Variants in UNC5D observed in about 807,000 individuals in gnomAD.
UNC5D encodes the protein netrin receptor UNC5D.
Under a neutral mutation model 105.4 loss-of-function variants are expected in UNC5D, and 39 were observed. That is an observed-to-expected ratio of 0.37 (90% CI 0.29 to 0.48). UNC5D has a LOEUF of 0.48. Among genes scored for constraint, UNC5D ranks in the 20% least tolerant of loss-of-function variants. UNC5D has a pLI of 0.98. For missense variants in UNC5D, 991 were observed against 1,202.4 expected (o/e 0.82, Z 2.60); for synonymous variants, 452 against 450.4 (o/e 1.00, Z -0.04).
At chr8:35,673,130 T>G (rs1294979691) in intron 4 of UNC5D, among the ~76,000 whole-genome samples, 1 of 152,208 alleles carries the variant, frequency 6.6e-6, no homozygotes, top group Non-Finnish European at 1.5e-5. Flanking sequence ...TAGAGCTAAA[T>G]TGAAGAAACT....
chr8:35,746,317 T>C (rs1381831441), intron 11 of UNC5D, among the ~76,000 whole-genome samples: 2 of 152,090 alleles, frequency 1.3e-5, no homozygotes, highest in Non-Finnish European at 2.9e-5. Context: ...ATCTCCCTGA[T>C]TGTTACAGGT....
At chr8:35,662,267 C>T (rs1364716833) in intron 4 of UNC5D, among the ~76,000 whole-genome samples, 2 of 151,562 alleles carry the variant, frequency 1.3e-5, no homozygotes, top group East Asian at 3.9e-4. Context: ...CATGGTCTGG[C>T]AGCCCCATAT....
intron 4 of UNC5D, among the ~76,000 whole-genome samples, chr8:35,619,425 T>G (rs1821220464): frequency 6.6e-6 from 1 of 152,140 alleles, no homozygotes; most frequent in South Asian, 2.1e-4. Flanking sequence ...AGTGGGAGAA[T>G]CACTGAAGCA....
chr8:35,633,928 C>T (rs1056612610), intron 4 of UNC5D, among the ~76,000 whole-genome samples: 13 of 152,250 alleles, frequency 8.5e-5, no homozygotes, highest in Middle Eastern at 3.4e-3. Context: ...GAAAGGAATG[C>T]GAAAGATATA....
At chr8:35,738,422 T>G (rs892340088) in intron 11 of UNC5D, among the ~76,000 whole-genome samples, 2 of 152,244 alleles carry the variant, frequency 1.3e-5, no homozygotes, top group African/African-American at 4.8e-5. Flanking sequence ...CTTTTTTAAT[T>G]ACATAGATGA....
At chr8:35,456,117 A>G (rs78218687) in intron 1 of UNC5D, among the ~76,000 whole-genome samples, 3,549 of 152,290 alleles carry the variant, frequency 0.023, 141 homozygotes, top group African/African-American at 0.082. Context: ...CCATTTATTA[A>G]AAGAGGTAAA....
At chr8:35,456,042 C>T (rs1354903197) in intron 1 of UNC5D, among the ~76,000 whole-genome samples, 1 of 152,148 alleles carries the variant, frequency 6.6e-6, no homozygotes, top group Non-Finnish European at 1.5e-5. Context: ...AGGGATTCTA[C>T]TTCCTAGCAG....
At chr8:35,559,553 G>A (rs898031422) in intron 2 of UNC5D, among the ~76,000 whole-genome samples, 1 of 152,208 alleles carries the variant, frequency 6.6e-6, no homozygotes, top group Non-Finnish European at 1.5e-5. Flanking sequence ...AATGAGTGGT[G>A]GATAAAAAGC....
At chr8:35,386,535 A>C (rs1803409911) in intron 1 of UNC5D, among the ~76,000 whole-genome samples, 1 of 152,210 alleles carries the variant, frequency 6.6e-6, no homozygotes. Context: ...GGGAAAAAAA[A>C]CGTCTAGCTT....
intron 1 of UNC5D, among the ~76,000 whole-genome samples, chr8:35,462,961 G>A (rs1809009603): frequency 6.6e-6 from 1 of 152,146 alleles, no homozygotes; most frequent in African/African-American, 2.4e-5. Flanking sequence ...TTTTCATGTT[G>A]TTTTCTTAAG....
At chr8:35,667,046 G>A (rs200760127) in intron 4 of UNC5D, among the ~76,000 whole-genome samples, 13 of 151,908 alleles carry the variant, frequency 8.6e-5, no homozygotes, top group East Asian at 1.9e-4. Flanking sequence ...ATTAGTTTAC[G>A]GAACTAAAAA....
chr8:35,627,363 CAG>C (rs1821751135), intron 4 of UNC5D, among the ~76,000 whole-genome samples: 2 of 152,254 alleles, frequency 1.3e-5, no homozygotes, highest in Non-Finnish European at 1.5e-5. Context: ...CCTGCAGTGA[CAG>C]AGAATCAGGG....
At chr8:35,684,804 G>C in intron 6 of UNC5D, 55 bp downstream of exon 6, 2 of 1,495,918 alleles carry the variant, frequency 1.3e-6, no homozygotes, top group East Asian at 4.8e-5. Flanking sequence ...CTATTAAGCT[G>C]GTGTGAAACA....
intron 1 of UNC5D, chr8:35,254,392 G>A (rs1288406069): frequency 6.6e-6 from 1 of 152,038 alleles, no homozygotes; most frequent in Non-Finnish European, 1.5e-5. Flanking sequence ...TTTTTCTTGA[G>A]CTTATTCCAG....
At chr8:35,473,188 T>C (rs1442138125) in intron 1 of UNC5D, among the ~76,000 whole-genome samples, 14 of 151,962 alleles carry the variant, frequency 9.2e-5, no homozygotes, top group Non-Finnish European at 2.1e-4. Context: ...TGAGAGATGG[T>C]GTAGTATTTG....
chr8:35,776,639 T>C (rs1802258403), intron 16 of UNC5D, among the ~76,000 whole-genome samples: 1 of 152,220 alleles, frequency 6.6e-6, no homozygotes, highest in Non-Finnish European at 1.5e-5. Context: ...TTTTTGTTTT[T>C]CTTTAAGATC....
intron 1 of UNC5D, among the ~76,000 whole-genome samples, chr8:35,312,425 A>G (rs1038935111): frequency 2.6e-5 from 4 of 152,178 alleles, no homozygotes; most frequent in Non-Finnish European, 5.9e-5. Flanking sequence ...TGATGACTTT[A>G]AAGTTTAATG....
chr8:35,368,427 AT>A (rs1409256489), intron 1 of UNC5D, among the ~76,000 whole-genome samples: 8 of 152,150 alleles, frequency 5.3e-5, no homozygotes, highest in African/African-American at 1.9e-4. Context: ...TTTACAGTTC[AT>A]TCCTGAATAC....
intron 1 of UNC5D, among the ~76,000 whole-genome samples, chr8:35,253,319 A>G (rs115601464): frequency 0.013 from 2,025 of 152,056 alleles, 43 homozygotes; most frequent in African/African-American, 0.047. Flanking sequence ...CTTTTGGGTC[A>G]TGCTTAGGAA....
Sources: gnomAD v4.1 joint callset for allele counts (sites outside exome capture counted in the v4.1 genomes callset) on GRCh38, gnomAD v4.1.1 for gene constraint, MANE v1.5 for transcripts, NCBI Gene and HGNC (gene_info 2026-07-23, HGNC 2026-07-21) for gene names.